The following CRYBG2 variants were observed in gnomAD, a reference collection of about 807,000 sequenced individuals.
The protein encoded by CRYBG2 is beta/gamma crystallin domain-containing protein 2.
In CRYBG2, 106 loss-of-function variants were observed where a neutral mutation model predicts 153.4. The ratio of observed to expected loss-of-function variants is 0.69; its 90% CI spans 0.59 to 0.81. The LOEUF (loss-of-function observed/expected upper bound fraction) is 0.81, where lower values mean the gene tolerates loss of function less well. Among genes scored for constraint, CRYBG2 ranks in the 30% least tolerant of loss-of-function variants. The pLI, the probability that CRYBG2 is intolerant of heterozygous loss-of-function variation, is 0.00. For synonymous variants in CRYBG2, 851 were observed against 877.8 expected, an observed-to-expected ratio of 0.97 and a Z score of 0.54; for missense variants, 1,996 against 2,112.0, an observed-to-expected ratio of 0.95 and a Z score of 1.08.
chr1:26,337,528 G>A lies in CRYBG2; in HGVS notation c.3644+10C>T. ...GTGATGAAATAGAAGGAAGGGTCCTGAGTTCTCACCAGCCTCCGAGAACTC... is the reference window on the plus strand; with the variant it reads ...GTGATGAAATAGAAGGAAGGGTCCTAAGTTCTCACCAGCCTCCGAGAACTC... On this transcript the variant is annotated intron_variant, in intron 9 of 19. Transcript: ENST00000308182. 6.2e-7 allele frequency: 1 copy of A among 1,611,546 alleles called. No individual in the cohort carries two copies. The highest frequency in any genetic ancestry group is 2.2e-5 in the East Asian group (1 of 44,876).
In CRYBG2 at chr1:26,336,637, C is replaced by G. The variant is rs1557709430; in HGVS notation, c.4007G>C (p.Ser1336Thr). 6 of 1,550,600 alleles carry G rather than the reference C, an allele frequency of 3.9e-6. No homozygotes were observed. The Middle Eastern group carries it at 5.0e-4, about 130-fold the overall frequency. Residue 1336 changes from serine to threonine, a missense_variant, in exon 12 of 20, where the codon AGC becomes ACC. Coordinates refer to ENST00000308182, the MANE Select transcript of CRYBG2 (RefSeq NM_001039775.4). This position sits in a 1 kb window ranked among gnomAD's most constrained non-coding sequence, Gnocchi z 4.9. The part of the protein sequence containing the change: ...RNCEDWGAGN[S>T]TLASLQPVLQ... ...GACCGGCTGCAGCGAGGCGAGGGTG[C>G]TGTTGCCAGCGCCCCAGTCCTCGCA...
chr1:26,324,016 T>C (rs2073890456), intron 18 of CRYBG2, 136 bp downstream of exon 18: 8 of 888,832 alleles, frequency 9.0e-6, no homozygotes, highest in African/African-American at 1.7e-5. Context: ...GGGGGAACAG[T>C]CTGCACTCTC....
rs1395817340 is a variant in CRYBG2 at position 26,336,505 on chromosome 1, A to C, written c.4038+101T>G. On this transcript the variant is annotated intron_variant, in intron 12 of 19. Transcript: ENST00000308182. This position sits in a 1 kb window ranked among gnomAD's most constrained non-coding sequence, Gnocchi z 4.9. ...TTCTAAGGCCCCGCCCCAAGCGCCC[A>C]GGCAGGTCCTCCAGCCCGCTACCTC... 1.9e-6 allele frequency: 3 copies of C among 1,542,868 alleles called. No homozygotes were observed. Among genetic ancestry groups the C allele is most frequent in the Admixed American group, 4.0e-5 (2 of 50,446 alleles).
Position 26,328,741 on chromosome 1 carries a change from C to T in CRYBG2, c.4447G>A (p.Gly1483Arg). The T allele has an allele frequency of 6.2e-7, 1 of 1,613,502 alleles. No homozygotes were observed. Among genetic ancestry groups the T allele is most frequent in the Non-Finnish European group, 8.5e-7 (1 of 1,179,726 alleles). The change falls in exon 16 of 20, where the codon GGG becomes AGG. Residue 1483 changes from glycine to arginine, a missense_variant. Physicochemically the swap from Gly to Arg is moderately radical, Grantham distance 125 (BLOSUM62 -2). Transcript: ENST00000308182. ...NNHVLSVRIK[G>R]GIWVLCEHSD... ...CCTCCCCTCAGCACTCACATGCCCC[C>T]CTTGATCCGCACAGACAGCACATGG...
chr1:26,352,191 G>A (rs373929477), intron 1 of CRYBG2, among the ~76,000 whole-genome samples: 3 of 152,052 alleles, frequency 2.0e-5, no homozygotes, highest in South Asian at 2.1e-4. Context: ...TCACACAGAC[G>A]CAGGCACAGA....
intron 10 of CRYBG2, 62 bp downstream of exon 10, chr1:26,337,191 T>C: frequency 6.2e-7 from 1 of 1,601,284 alleles, no homozygotes; most frequent in South Asian, 1.1e-5. Flanking sequence ...CTCCACAAAC[T>C]GTACTGGGGG....
In CRYBG2 at chr1:26,346,622, C is replaced by T. The variant is rs1158731469; in HGVS notation, c.36G>A (p.Lys12=). 1 of 1,565,834 alleles carries T rather than the reference C, an allele frequency of 6.4e-7. No individual in the cohort carries two copies. Among genetic ancestry groups the T allele is most frequent in the Admixed American group, 1.9e-5 (1 of 52,658 alleles). Residue 12 remains lysine, a synonymous_variant, in exon 2 of 20, where the codon AAG becomes AAA. Transcript: ENST00000308182. The surrounding 1 kb of genome is among the most constrained non-coding windows in gnomAD (Gnocchi z 4.9). The part of the protein sequence containing the change: ...EEAGGPMARA[K]ARVVSATLTW... ...TCAATGTGGCACTTACCACTCGGGC[C>T]TTGGCCCGGGCCATGGGCCCACCTG...
intron 14 of CRYBG2, among the ~76,000 whole-genome samples, chr1:26,332,087 C>T (rs192331048): frequency 6.6e-6 from 1 of 152,070 alleles, no homozygotes; most frequent in Non-Finnish European, 1.5e-5. Flanking sequence ...GCGGGCAGAT[C>T]ACGAGGTCAG....
chr1:26,335,987 CA>C, intron 14 of CRYBG2, 107 bp downstream of exon 14: 1 of 890,762 alleles, frequency 1.1e-6, no homozygotes, highest in Non-Finnish European at 1.7e-6. Context: ...CAAGACAGAA[CA>C]GTTCATCGCA....
At position 26,336,231 on chromosome 1, in the gene CRYBG2, G is replaced by A. The variant is rs1002523911; in HGVS notation, c.4072-24C>T. 1.9e-6 allele frequency: 3 copies of A among 1,570,908 alleles called. No individual in the cohort carries two copies. The highest frequency in any genetic ancestry group is 2.6e-6 in the Non-Finnish European group (3 of 1,156,262). ...ATCTGGAGGCAGAGAGGGGAGATGA[G>A]GGGAAGGAGGACGATGGAGTGGGGC... On this transcript the variant is annotated intron_variant, in intron 13 of 19. Transcript: ENST00000308182. The surrounding 1 kb of genome is among the most constrained non-coding windows in gnomAD (Gnocchi z 4.9).
At chr1:26,327,598 G>A (rs1041418936) in intron 17 of CRYBG2, among the ~76,000 whole-genome samples, 1 of 151,178 alleles carries the variant, frequency 6.6e-6, no homozygotes, top group Non-Finnish European at 1.5e-5. Context: ...GCAGTGAGCC[G>A]AGATCGTGCC....
At chr1:26,328,464 G>T in intron 16 of CRYBG2, 132 bp from the exon 17 acceptor site, 1 of 1,369,992 alleles carries the variant, frequency 7.3e-7, no homozygotes, top group Admixed American at 2.3e-5. Context: ...CCTCTGCCTG[G>T]AATAGGGTTC....
rs563900632 is a variant in CRYBG2 at position 26,341,507 on chromosome 1, AT to A, written c.3204+1246del. 9.6e-3 allele frequency among the ~76,000 whole-genome samples: 1,450 copies of A among 151,296 alleles called. 19 individuals carry two copies. Among genetic ancestry groups the A allele is most frequent in the African/African-American group, 0.032 (1,314 of 41,232 alleles). ...TCACAGCACAGCACATGAAATTATA[AT>A]TTTTTTTTACTCTTGTTGCCCAGGC... On this transcript the variant is annotated intron_variant, in intron 5 of 19. Transcript: ENST00000308182.
At position 26,337,257 on chromosome 1, in the gene CRYBG2, C is replaced by G; in HGVS notation, c.3767G>C (p.Arg1256Pro). 1 of 1,613,976 alleles carries G rather than the reference C, an allele frequency of 6.2e-7. No individual in the cohort carries two copies. Among genetic ancestry groups the G allele is most frequent in the Non-Finnish European group, 8.5e-7 (1 of 1,179,940 alleles). The stretch of plus-strand genomic sequence containing the variant: ...GGGCCAATTGCCTTTGCTTACCGTC[C>G]GGATGACCCGGAGGGAGGTCAGCAA... ...DELLTSLRVI[R>P]TDFGDPAVVL... The change falls in exon 10 of 20, where the codon CGG becomes CCG. Residue 1256 changes from arginine to proline, a missense_variant. Transcript: ENST00000308182.
chr1:26,339,468 C>A, intron 5 of CRYBG2, 39 bp from the exon 6 acceptor site: 3 of 1,609,522 alleles, frequency 1.9e-6, no homozygotes, highest in Non-Finnish European at 2.5e-6. Flanking sequence ...AGATAAACAG[C>A]CAGGCGTGGT....
chr1:26,347,884 C>A (rs2074245412), intron 1 of CRYBG2, among the ~76,000 whole-genome samples: 1 of 152,202 alleles, frequency 6.6e-6, no homozygotes, highest in African/African-American at 2.4e-5. Context: ...CCTTGGCCTT[C>A]CAAAATGTTG....
At position 26,344,365 on chromosome 1, in the gene CRYBG2, C is replaced by A. The variant is rs1380179220; in HGVS notation, c.2293G>T (p.Glu765Ter). ...CTCCGCAGCGTATCCAGGAATATCTCCAGGTCAGCGGCCAGGGCCACCTCA... is the reference window on the plus strand; with the variant it reads ...CTCCGCAGCGTATCCAGGAATATCTACAGGTCAGCGGCCAGGGCCACCTCA... The part of the protein sequence containing the change: ...EDEVALAADL[E>*]IFLDTLRSME... The change falls in exon 2 of 20, where the codon GAG (glutamate) becomes TAG (stop). Residue 765 changes from glutamate to a stop codon, truncating the protein, a stop_gained. Transcript: ENST00000308182. LOFTEE classifies it high-confidence loss of function. The A allele has an allele frequency of 6.6e-7, 1 of 1,511,330 alleles. No individual in the cohort carries two copies. Among genetic ancestry groups the A allele is most frequent in the Non-Finnish European group, 8.9e-7 (1 of 1,127,072 alleles). 93.6% of individuals were successfully genotyped at this position (1,511,330 alleles called of 1,614,324 possible).
intron 17 of CRYBG2, among the ~76,000 whole-genome samples, chr1:26,327,263 C>T (rs745403979): frequency 1.3e-4 from 19 of 151,836 alleles, no homozygotes; most frequent in Non-Finnish European, 2.4e-4. Context: ...GTCAGGCGTT[C>T]GAGACCAACC....
At chr1:26,352,297 A>G (rs1162439451) in intron 1 of CRYBG2, among the ~76,000 whole-genome samples, 2 of 152,134 alleles carry the variant, frequency 1.3e-5, no homozygotes, top group African/African-American at 4.8e-5. Flanking sequence ...ACACACACAC[A>G]AATATACACT....
Sources: allele counts gnomAD v4.1 joint callset (sites outside exome capture counted in the v4.1 genomes callset), GRCh38; gene constraint gnomAD v4.1.1; non-coding constraint Gnocchi (gnomAD v3.1); transcripts MANE v1.5; gene names NCBI Gene and HGNC (gene_info 2026-07-23, HGNC 2026-07-21).